The following CCDC28A variants were observed in gnomAD, a reference collection of about 807,000 sequenced individuals.
CCDC28A encodes coiled-coil domain containing 28A, also known as coiled-coil domain-containing protein 28A.
Under a neutral mutation model 22.1 loss-of-function variants are expected in CCDC28A, and 24 were observed. That is an observed-to-expected ratio of 1.09 (90% CI 0.79 to 1.53). CCDC28A has a LOEUF of 1.53. CCDC28A is among the 40% of genes most tolerant of loss of function. CCDC28A has a pLI of 0.00. For missense variants in CCDC28A, 170 were observed against 210.7 expected (o/e 0.81, Z 1.20); for synonymous variants, 83 against 74.7 (o/e 1.11, Z -0.57).
intron 3 of CCDC28A, among the ~76,000 whole-genome samples, chr6:138,781,587 C>T (rs1236515646): frequency 1.3e-5 from 2 of 152,078 alleles, no homozygotes; most frequent in Non-Finnish European, 2.9e-5. Context: ...AGGTATTATT[C>T]GTCTTTTAAT....
At chr6:138,788,064 C>G (rs1205652699) in intron 4 of CCDC28A, among the ~76,000 whole-genome samples, 1 of 144,126 alleles carries the variant, frequency 6.9e-6, no homozygotes, top group Non-Finnish European at 1.5e-5. Context: ...TGGGCCCAAA[C>G]AATCCTCCCA....
At position 138,792,869 on chromosome 6, in the gene CCDC28A, T is replaced by C. The variant is rs1447133042; in HGVS notation, c.*66T>C. 1.1e-5 allele frequency: 11 copies of C among 1,026,350 alleles called. No homozygotes were observed. Among genetic ancestry groups the C allele is most frequent in the Non-Finnish European group, 1.5e-5 (10 of 667,964 alleles). The allele number at this position is 1,026,350 out of a possible 1,614,324, so 63.6% of individuals were successfully genotyped here. A position where few individuals can be genotyped will look rare whatever the true frequency, so the allele number is the denominator to read the frequency against. The stretch of plus-strand genomic sequence containing the variant: ...AGCAGTCTTTACTTTTCCAGCCAAA[T>C]CCAGTAGCAGAATCATCTTCCACAA... On this transcript the variant is annotated 3_prime_UTR_variant, in exon 6 of 6. Coordinates refer to ENST00000617445, the MANE Select transcript of CCDC28A (RefSeq NM_015439.3).
Position 138,779,947 on chromosome 6 carries a change from T to G in CCDC28A, c.284T>G (p.Leu95Arg), listed in dbSNP as rs1774992288. ...VQEMERGLLS[L>R]LNDFHSGKLQ... is the part of the protein sequence containing the mutation. ...GAGATGGAGAGAGGGCTGCTCAGTCTTTTGAATGATTTCCACTCTGGAAAA... is the reference window on the plus strand; with the variant it reads ...GAGATGGAGAGAGGGCTGCTCAGTCGTTTGAATGATTTCCACTCTGGAAAA... The change falls in exon 3 of 6, where the codon CTT becomes CGT. Residue 95 changes from leucine (L) to arginine (R), a missense_variant. By Grantham distance (102) the Leu-to-Arg change is moderately radical. Transcript: ENST00000617445. 1 of 1,612,590 alleles carries G rather than the reference T, an allele frequency of 6.2e-7. No homozygotes were observed.
At chr6:138,790,254 A>G (rs904415974) in intron 5 of CCDC28A, among the ~76,000 whole-genome samples, 1 of 152,168 alleles carries the variant, frequency 6.6e-6, no homozygotes, top group East Asian at 1.9e-4. Flanking sequence ...GGGTTCAAGC[A>G]ATTCTCCTGC....
Position 138,785,316 on chromosome 6 carries a change from G to C in CCDC28A, c.412G>C (p.Glu138Gln). The C allele has an allele frequency of 6.2e-7, 1 of 1,613,498 alleles. No individual in the cohort carries two copies. The highest frequency in any genetic ancestry group is 2.2e-5 in the East Asian group (1 of 44,866). Reference sequence around the variant, plus strand: ...GAATTTGGAGCTCTATGGGGAGTTAGAGGAACTTCCTGAGGATAAGAGAAA... The same window carrying C: ...GAATTTGGAGCTCTATGGGGAGTTACAGGAACTTCCTGAGGATAAGAGAAA... Reference protein sequence around the residue: ...RLNLELYGELEELPEDKRKTA... With the variant: ...RLNLELYGELQELPEDKRKTA... The change falls in exon 4 of 6, where the codon GAG (glutamate) becomes CAG (glutamine). Residue 138 changes from glutamate (E) to glutamine (Q), a missense_variant. Coordinates refer to ENST00000617445, the MANE Select transcript of CCDC28A (RefSeq NM_015439.3).
chr6:138,788,401 TG>T lies in CCDC28A; in HGVS notation c.500+14del. On this transcript the variant is annotated intron_variant, in intron 5 of 5. Coordinates refer to ENST00000617445, the MANE Select transcript of CCDC28A (RefSeq NM_015439.3). ...TGAATTCTTCCATGTATCCTTTGTCTGCTATCAACAGTGAAAAGTTTACAAC... is the reference window on the plus strand; with the variant it reads ...TGAATTCTTCCATGTATCCTTTGTCTCTATCAACAGTGAAAAGTTTACAAC... The T allele has an allele frequency of 8.1e-7, 1 of 1,232,822 alleles. No homozygotes were observed. The highest frequency in any genetic ancestry group is 1.1e-6 in the Non-Finnish European group (1 of 896,498). The allele number at this position is 1,232,822 out of a possible 1,614,324, so 76.4% of individuals were successfully genotyped here. A position where few individuals can be genotyped will look rare whatever the true frequency, so the allele number is the denominator to read the frequency against.
intron 2 of CCDC28A, among the ~76,000 whole-genome samples, chr6:138,779,197 T>C (rs1190308808): frequency 6.6e-6 from 1 of 151,988 alleles, no homozygotes; most frequent in African/African-American, 2.4e-5. Context: ...GGGAAGCTAT[T>C]TGGTTAAGAG....
chr6:138,786,122 G>A (rs958158885), intron 4 of CCDC28A, among the ~76,000 whole-genome samples: 2 of 152,230 alleles, frequency 1.3e-5, no homozygotes, highest in African/African-American at 4.8e-5. Context: ...AGGCCTCTCA[G>A]TTTGTAGTAG....
intron 3 of CCDC28A, among the ~76,000 whole-genome samples, chr6:138,783,037 C>G (rs1775043129): frequency 6.6e-6 from 1 of 151,986 alleles, no homozygotes; most frequent in South Asian, 2.1e-4. Flanking sequence ...AAATTAGTTG[C>G]TCTGGGCAGA....
In CCDC28A at chr6:138,785,392, T is replaced by C. The variant is rs891923897; in HGVS notation, c.477+11T>C. ...AGGCTTCTGTCAGATGTAAGTGTAA[T>C]TCTTTTTCTTTGTTCTTTAAAAAAA... On this transcript the variant is annotated intron_variant, in intron 4 of 5. Coordinates refer to ENST00000617445, the MANE Select transcript of CCDC28A (RefSeq NM_015439.3). 6.3e-7 allele frequency: 1 copy of C among 1,583,428 alleles called. No homozygotes were observed. The highest frequency in any genetic ancestry group is 1.9e-5 in the Admixed American group (1 of 52,014).
chr6:138,790,803 T>G (rs1301128221), intron 5 of CCDC28A, among the ~76,000 whole-genome samples: 2 of 152,232 alleles, frequency 1.3e-5, no homozygotes, highest in African/African-American at 4.8e-5. Context: ...TCTCTGCCAT[T>G]GAGCCTGGAT....
At chr6:138,780,050 T>A in intron 3 of CCDC28A, 65 bp downstream of exon 3, 1 of 1,210,804 alleles carries the variant, frequency 8.3e-7, no homozygotes, top group Non-Finnish European at 1.1e-6. Flanking sequence ...TTTCTGTGTG[T>A]ATTTTACTCT....
chr6:138,776,988 A>G (rs1464259132), intron 2 of CCDC28A, among the ~76,000 whole-genome samples: 1 of 152,190 alleles, frequency 6.6e-6, no homozygotes, highest in Non-Finnish European at 1.5e-5. Context: ...CATTCAGGAT[A>G]TTTAAAGGAA....
intron 3 of CCDC28A, among the ~76,000 whole-genome samples, chr6:138,783,550 G>A (rs1303631727): frequency 6.6e-6 from 1 of 150,922 alleles, no homozygotes; most frequent in Admixed American, 6.6e-5. Flanking sequence ...CCATTCTCCT[G>A]CCTCAGCCTC....
Position 138,793,008 on chromosome 6 carries a change from C to A in CCDC28A, c.*205C>A. ...CTGGAGGCCTAGGCCTTGTTGAAGG[C>A]TTCATCAGGAAATGTGACGCAGAGA... On this transcript the variant is annotated 3_prime_UTR_variant, in exon 6 of 6. Coordinates refer to ENST00000617445, the MANE Select transcript of CCDC28A (RefSeq NM_015439.3). 1 of 548,080 alleles carries A rather than the reference C, an allele frequency of 1.8e-6. No homozygotes were observed. Among genetic ancestry groups the A allele is most frequent in the Non-Finnish European group, 3.3e-6 (1 of 304,906 alleles). The allele number at this position is 548,080 out of a possible 1,614,324, so 34.0% of individuals were successfully genotyped here.
chr6:138,779,659 C>CT (rs1021228335), intron 2 of CCDC28A, among the ~76,000 whole-genome samples, 163 bp from the exon 3 acceptor site: 1 of 151,838 alleles, frequency 6.6e-6, no homozygotes, highest in Admixed American at 6.6e-5. Context: ...TTTTCACAAC[C>CT]TTTTTTTTCT....
Position 138,773,793 on chromosome 6 carries a change from G to A in CCDC28A, c.-152G>A. 1 of 1,613,922 alleles carries A rather than the reference G, an allele frequency of 6.2e-7. No homozygotes were observed. The highest frequency in any genetic ancestry group is 8.5e-7 in the Non-Finnish European group (1 of 1,179,894). On this transcript the variant is annotated 5_prime_UTR_variant, in exon 1 of 6. Transcript: ENST00000617445. ...CGTAAACAAACGGAGCTGCGGAGGA[G>A]CGGGTCCCGGGATGTGACCGGGGCT...
At chr6:138,775,805 T>A (rs965168650) in intron 1 of CCDC28A, among the ~76,000 whole-genome samples, 2 of 152,180 alleles carry the variant, frequency 1.3e-5, no homozygotes, top group South Asian at 4.1e-4. Context: ...CAATAGTGTC[T>A]GGCTTGTGGA....
intron 1 of CCDC28A, among the ~76,000 whole-genome samples, chr6:138,774,776 C>G (rs928354358): frequency 6.6e-6 from 1 of 152,174 alleles, no homozygotes; most frequent in Non-Finnish European, 1.5e-5. Flanking sequence ...CATGGCATGC[C>G]TAAATTAAAC....
Sources: gnomAD v4.1 joint callset for allele counts (sites outside exome capture counted in the v4.1 genomes callset) on GRCh38, gnomAD v4.1.1 for gene constraint, MANE v1.5 for transcripts, NCBI Gene and HGNC (gene_info 2026-07-23, HGNC 2026-07-21) for gene names.